Variants in CFDP1 observed in about 807,000 individuals in gnomAD.
CFDP1 encodes heterochromatin-stabilizing protein CFDP1.
A neutral mutation model predicts 40.1 loss-of-function variants in CFDP1; 31 were observed. That is an observed-to-expected ratio of 0.77 (90% CI 0.58 to 1.04). The LOEUF is 1.04. Among genes scored for constraint, CFDP1 ranks in the 50% least tolerant of loss-of-function variants. The probability of loss-of-function intolerance (pLI) is 0.00; values close to 1 mark genes in which losing one functional copy is unlikely to be tolerated. For synonymous variants in CFDP1, 167 were observed against 120.0 expected (o/e 1.39, Z -2.56); for missense variants, 423 against 343.4 (o/e 1.23, Z -1.83).
intron 2 of CFDP1, among the ~76,000 whole-genome samples, chr16:75,413,417 G>A (rs1001159008): frequency 5.3e-5 from 8 of 152,024 alleles, no homozygotes; most frequent in South Asian, 2.1e-4. Flanking sequence ...AAAATTAGCC[G>A]GGCATGTTGG....
At chr16:75,354,948 A>G (rs2078636617) in intron 5 of CFDP1, among the ~76,000 whole-genome samples, 1 of 152,260 alleles carries the variant, frequency 6.6e-6, no homozygotes. Context: ...GTTCAGTTCC[A>G]GACCACAGCA....
rs1246336298 is a variant in CFDP1, at chr16:75,330,457, C to T, written c.651-25275G>A. Among the ~76,000 whole-genome samples the T allele has an allele frequency of 4.6e-5, 7 of 152,252 alleles. No individual in the cohort carries two copies. The East Asian group carries it at 1.4e-3, about 29-fold the overall frequency. The stretch of plus-strand genomic sequence containing the variant: ...CAAAAAAATTAGCCAGGCGTGGTGG[C>T]GCATGCCTGTAATCCCAGTTACTAG... On this transcript the variant is annotated intron_variant, in intron 5 of 6. Transcript: ENST00000283882.
intron 5 of CFDP1, among the ~76,000 whole-genome samples, chr16:75,336,721 A>G (rs2078490138): frequency 6.6e-6 from 1 of 152,234 alleles, no homozygotes; most frequent in East Asian, 1.9e-4. Flanking sequence ...AACAGTGGTT[A>G]CTGCTGGACT....
intron 5 of CFDP1, among the ~76,000 whole-genome samples, chr16:75,340,969 C>CTCCA (rs1373992211): frequency 5.3e-5 from 8 of 152,080 alleles, no homozygotes; most frequent in African/African-American, 1.9e-4. Context: ...GAGAAGTAGA[C>CTCCA]TCCATTGTGA....
At chr16:75,407,195 A>G (rs1408788542) in intron 4 of CFDP1, among the ~76,000 whole-genome samples, 1 of 152,166 alleles carries the variant, frequency 6.6e-6, no homozygotes, top group African/African-American at 2.4e-5. Flanking sequence ...TGACAGAGTG[A>G]GTTAGCTCCT....
intron 5 of CFDP1, among the ~76,000 whole-genome samples, chr16:75,319,373 C>A (rs967517850): frequency 6.6e-6 from 1 of 152,108 alleles, no homozygotes; most frequent in African/African-American, 2.4e-5. Flanking sequence ...AATAAGCATG[C>A]AAAATTCCAA....
intron 1 of CFDP1, among the ~76,000 whole-genome samples, chr16:75,423,904 T>C (rs941033554): frequency 1.3e-5 from 2 of 152,124 alleles, no homozygotes; most frequent in Non-Finnish European, 1.5e-5. Context: ...GTTGAATCCA[T>C]GGCTGTGGAA....
chr16:75,428,485 G>T (rs897423309), intron 1 of CFDP1, among the ~76,000 whole-genome samples: 1 of 151,996 alleles, frequency 6.6e-6, no homozygotes, highest in African/African-American at 2.4e-5. Flanking sequence ...AGGTGTGGTG[G>T]CACGCGCCTG....
At chr16:75,426,141 G>A (rs1241593497) in intron 1 of CFDP1, among the ~76,000 whole-genome samples, 1 of 148,810 alleles carries the variant, frequency 6.7e-6, no homozygotes, top group East Asian at 2.0e-4. Context: ...ACCTGAGGTT[G>A]GGAGTTCAAG....
rs565726462 is a variant in CFDP1, at chr16:75,334,612, C to T, written c.651-29430G>A. Among the ~76,000 whole-genome samples the T allele has an allele frequency of 6.6e-5, 10 of 152,088 alleles. No homozygotes were observed. In the South Asian group the frequency reaches 2.1e-3, roughly 32 times the overall value. ...TTTTACTATTCATGTTGAAATCTGT[C>T]AAGACAAGGCTTACGAAGAAACCAA... On this transcript the variant is annotated intron_variant, in intron 5 of 6. Coordinates refer to ENST00000283882, the MANE Select transcript of CFDP1 (RefSeq NM_006324.3).
chr16:75,425,541 C>G (rs2079330601), intron 1 of CFDP1, among the ~76,000 whole-genome samples: 1 of 151,502 alleles, frequency 6.6e-6, no homozygotes, highest in South Asian at 2.1e-4. Flanking sequence ...AAACAGAGGC[C>G]CAGAAATAAA....
chr16:75,431,643 G>T (rs1041801680), intron 1 of CFDP1, among the ~76,000 whole-genome samples: 4 of 150,716 alleles, frequency 2.7e-5, no homozygotes, highest in African/African-American at 9.8e-5. Context: ...TGTCTCGAAA[G>T]AAAAAAAAAC....
intron 5 of CFDP1, among the ~76,000 whole-genome samples, chr16:75,385,383 C>T (rs1396384149): frequency 2.0e-5 from 3 of 151,916 alleles, no homozygotes; most frequent in East Asian, 1.9e-4. Context: ...GCCTTCTCTC[C>T]GAAAAAAATT....
intron 5 of CFDP1, among the ~76,000 whole-genome samples, chr16:75,333,371 C>T (rs2151516241): frequency 6.6e-6 from 1 of 152,264 alleles, no homozygotes; most frequent in South Asian, 2.1e-4. Context: ...GATCCGCCCG[C>T]CTCGGCCTCC....
chr16:75,298,266 G>C (rs1691397676), intron 6 of CFDP1, among the ~76,000 whole-genome samples: 1 of 152,204 alleles, frequency 6.6e-6, no homozygotes, highest in Non-Finnish European at 1.5e-5. Flanking sequence ...TTTCAGATAA[G>C]GGATATTCAA....
At chr16:75,363,200 T>C (rs2078691331) in intron 5 of CFDP1, among the ~76,000 whole-genome samples, 2 of 150,524 alleles carry the variant, frequency 1.3e-5, no homozygotes, top group Non-Finnish European at 3.0e-5. Flanking sequence ...TATAGAAAAA[T>C]GTAACAACCA....
intron 5 of CFDP1, among the ~76,000 whole-genome samples, chr16:75,326,573 G>C (rs1567646353): frequency 6.6e-6 from 1 of 152,210 alleles, no homozygotes; most frequent in African/African-American, 2.4e-5. Flanking sequence ...GGTCTGAGCT[G>C]GGGAGCACAG....
intron 1 of CFDP1, among the ~76,000 whole-genome samples, chr16:75,425,147 A>C (rs369254116): frequency 6.6e-6 from 1 of 152,220 alleles, no homozygotes; most frequent in Non-Finnish European, 1.5e-5. Flanking sequence ...AATTCTTCCC[A>C]AAACGGTCTA....
Position 75,305,762 on chromosome 16 carries a change from T to C in CFDP1, c.651-580A>G, listed in dbSNP as rs568060822. 5.3e-5 allele frequency among the ~76,000 whole-genome samples: 8 copies of C among 152,314 alleles called. No individual in the cohort carries two copies. In the South Asian group the frequency reaches 1.4e-3, roughly 28 times the overall value. ...GAGAAAGAGAACCAGTTCCCAACACTGATGAGTGAAAAGTCACAGTACTGT... is the reference window on the plus strand; with the variant it reads ...GAGAAAGAGAACCAGTTCCCAACACCGATGAGTGAAAAGTCACAGTACTGT... On this transcript the variant is annotated intron_variant, in intron 5 of 6. Coordinates refer to ENST00000283882, the MANE Select transcript of CFDP1 (RefSeq NM_006324.3).
Sources: gnomAD v4.1 joint callset for allele counts (sites outside exome capture counted in the v4.1 genomes callset) on GRCh38, gnomAD v4.1.1 for gene constraint, MANE v1.5 for transcripts, NCBI Gene and HGNC (gene_info 2026-07-23, HGNC 2026-07-21) for gene names.